The following PLEC variants were observed in gnomAD, a reference collection of about 807,000 sequenced individuals.
PLEC encodes hemidesmosomal protein 1.
A neutral mutation model predicts 392.8 loss-of-function variants in PLEC; 216 were observed. The observed-to-expected ratio is 0.55, with a 90% CI of 0.49 to 0.62. The LOEUF (loss-of-function observed/expected upper bound fraction) is 0.62, where lower values mean the gene tolerates loss of function less well. PLEC is among the 20% of genes least tolerant of loss of function. PLEC has a pLI of 0.00. For synonymous variants in PLEC, 3,621 were observed against 2,980.6 expected, an observed-to-expected ratio of 1.21 and a Z score of -7.00; for missense variants, 6,863 against 6,563.4, an observed-to-expected ratio of 1.05 and a Z score of -1.58.
At position 143,916,979 on chromosome 8, in the gene PLEC, G is replaced by A; in HGVS notation, c.12842C>T (p.Ala4281Val). ...SDPTEETGPV[A>V]GILDTETLEK... is the part of the protein sequence containing the mutation. The stretch of plus-strand genomic sequence containing the variant: ...CAGCGTCTCCGTGTCCAGGATGCCA[G>A]CCACGGGGCCCGTCTCCTCAGTGGG... The change falls in exon 32 of 32, where the codon GCT becomes GTT. Residue 4281 changes from alanine (A) to valine (V), a missense_variant. Coordinates refer to ENST00000345136, the MANE Select transcript of PLEC (RefSeq NM_201384.3). The A allele has an allele frequency of 6.2e-7, 1 of 1,612,884 alleles. No homozygotes were observed. Among genetic ancestry groups the A allele is most frequent in the Non-Finnish European group, 8.5e-7 (1 of 1,179,982 alleles).
In PLEC at chr8:143,917,522, G is replaced by A. The variant is rs1412593519; in HGVS notation, c.12299C>T (p.Thr4100Ile). Residue 4100 changes from threonine (T) to isoleucine (I), a missense_variant, in exon 32 of 32, where the codon ACC (threonine) becomes ATC (isoleucine). Coordinates refer to ENST00000345136, the MANE Select transcript of PLEC (RefSeq NM_201384.3). Reference sequence around the variant, plus strand: ...ACAACGCTCCATCAGCTGCAGGTAGGTGAGGTTCTCCTCCGTGTTAGGGTC... The same window carrying A: ...ACAACGCTCCATCAGCTGCAGGTAGATGAGGTTCTCCTCCGTGTTAGGGTC... The part of the protein sequence containing the change: ...FFDPNTEENL[T>I]YLQLMERCIT... 1.9e-6 allele frequency: 3 copies of A among 1,613,958 alleles called. No individual in the cohort carries two copies. The highest frequency in any genetic ancestry group is 2.5e-6 in the Non-Finnish European group (3 of 1,180,034).
In PLEC at chr8:143,937,057, G is replaced by A. The variant is rs2132182638; in HGVS notation, c.357C>T (p.Asn119=). The A allele has an allele frequency of 2.5e-6, 4 of 1,612,964 alleles. No homozygotes were observed. The highest frequency in any genetic ancestry group is 3.4e-6 in the Non-Finnish European group (4 of 1,179,690). ...CGTCAGCGATGTCATCATTCCTGAT[G>A]TTCACCAGCTTCACCTGTGAGCGAG... is the stretch of plus-strand genomic sequence containing the variant. ...YLRHRQVKLV[N]IRNDDIADGN... The change falls in exon 5 of 32, where the codon AAC becomes AAT. Residue 119 remains asparagine (N), a synonymous_variant. Transcript: ENST00000345136.
rs1175951214 is a variant in PLEC at position 143,929,165 on chromosome 8, C to T, written c.3198G>A (p.Glu1066=). 1 of 1,594,372 alleles carries T rather than the reference C, an allele frequency of 6.3e-7. No individual in the cohort carries two copies. The highest frequency in any genetic ancestry group is 8.5e-7 in the Non-Finnish European group (1 of 1,172,364). The change falls in exon 25 of 32, where the codon GAG becomes GAA. Residue 1066 remains glutamate, a synonymous_variant. Transcript: ENST00000345136. ...PSPAAPTLRS[E]LELTLGKLEQ... The stretch of plus-strand genomic sequence containing the variant: ...CCAGCTTGCCCAGCGTCAGCTCCAG[C>T]TCCGAGCGCAGCGTGGGGGCCGCAG...
upstream of PLEC, chr8:143,944,087 C>A: frequency 4.1e-6 from 3 of 726,246 alleles, no homozygotes; most frequent in Non-Finnish European, 6.5e-6. Context: ...CCTCCCTCCG[C>A]GGGTCCGGCC....
At chr8:143,975,327 C>T (rs1554745702), upstream of PLEC, 3 of 1,611,646 alleles carry the variant, frequency 1.9e-6, no homozygotes, top group Non-Finnish European at 2.5e-6. The surrounding 1 kb of genome is among the most constrained non-coding windows in gnomAD (Gnocchi z 9.9). Context: ...CCATTGGAGA[C>T]ATCTTCAGAG....
chr8:143,923,884 T>A lies in PLEC; in HGVS notation c.6045A>T (p.Lys2015Asn), dbSNP rs200540800. ...KAALEEVERL[K>N]AKVEEARRLR... ...GGCGCCGCGCCTCCTCCACCTTGGC[T>A]TTCAGCCGCTCGACTTCCTCCAGCG... The change falls in exon 31 of 32, where the codon AAA (lysine) becomes AAT (asparagine). Residue 2015 changes from lysine to asparagine, a missense_variant. Physicochemically the swap from Lys to Asn is moderately conservative, Grantham distance 94 (BLOSUM62 0). Coordinates refer to ENST00000345136, the MANE Select transcript of PLEC (RefSeq NM_201384.3). The A allele has an allele frequency of 9.4e-4, 1,492 of 1,593,920 alleles. 4 individuals carry two copies. Among genetic ancestry groups the A allele is most frequent in the Non-Finnish European group, 1.1e-3 (1,305 of 1,177,716 alleles).
rs1554715548 is a variant in PLEC, at chr8:143,931,627, C to G, written c.2211G>C (p.Gln737His). 6.2e-7 allele frequency: 1 copy of G among 1,601,220 alleles called. No individual in the cohort carries two copies. Among genetic ancestry groups the G allele is most frequent in the Non-Finnish European group, 8.5e-7 (1 of 1,174,566 alleles). ...FFSDVREAEGQLQKLQEALRR... is the reference protein window; with the variant it reads ...FFSDVREAEGHLQKLQEALRR... ...GCAGTGCCTCCTGCAGCTTCTGCAA[C>G]TGCCCCTCGGCCTCCCGCACATCTG... Residue 737 changes from glutamine to histidine, a missense_variant, in exon 19 of 32, where the codon CAG (glutamine) becomes CAC (histidine). By Grantham distance (24) the Gln-to-His change is conservative. Transcript: ENST00000345136.
Position 143,920,562 on chromosome 8 carries a change from C to T in PLEC, c.9259G>A (p.Val3087Met). 2 of 1,611,398 alleles carry T rather than the reference C, an allele frequency of 1.2e-6. No homozygotes were observed. Among genetic ancestry groups the T allele is most frequent in the African/African-American group, 2.7e-5 (2 of 75,056 alleles). Residue 3087 changes from valine (V) to methionine (M), a missense_variant, in exon 32 of 32, where the codon GTG (valine) becomes ATG (methionine). Val to Met is a conservative substitution (Grantham distance 21, BLOSUM62 1). Transcript: ENST00000345136. The stretch of plus-strand genomic sequence containing the variant: ...AGCTTCTCATGAAACTCGGGGCCCA[C>T]CAGGCCAGCACGCACTGCCTCGTCC... ...TVDEAVRAGL[V>M]GPEFHEKLLS... is the part of the protein sequence containing the mutation.
chr8:143,953,064 G>C (rs1178816806), upstream of PLEC, among the ~76,000 whole-genome samples: 1 of 140,884 alleles, frequency 7.1e-6, no homozygotes, highest in Non-Finnish European at 1.5e-5. Flanking sequence ...CCTGCGCCAG[G>C]GTCCAGGCGT....
rs1255036846 is a variant in PLEC, at chr8:143,916,146, C to T, written c.*31G>A. Reference sequence around the variant, plus strand: ...CGCCTCGGTGGGAGCCGGGCTGGGCCGCATGCAGAGCGGGGTGGGCGCAGG... The same window carrying T: ...CGCCTCGGTGGGAGCCGGGCTGGGCTGCATGCAGAGCGGGGTGGGCGCAGG... On this transcript the variant is annotated 3_prime_UTR_variant, in exon 32 of 32. Coordinates refer to ENST00000345136, the MANE Select transcript of PLEC (RefSeq NM_201384.3). The T allele has an allele frequency of 2.3e-5, 35 of 1,494,298 alleles. No individual in the cohort carries two copies. The highest frequency in any genetic ancestry group is 2.8e-5 in the Non-Finnish European group (32 of 1,122,982). The allele number at this position is 1,494,298 out of a possible 1,614,324, so 92.6% of individuals were successfully genotyped here.
chr8:143,930,296 C>G lies in PLEC; in HGVS notation c.2460G>C (p.Val820=). 3.1e-6 allele frequency: 5 copies of G among 1,602,242 alleles called. No individual in the cohort carries two copies. The highest frequency in any genetic ancestry group is 4.2e-6 in the Non-Finnish European group (5 of 1,178,372). ...LAVCDYKQVE[V]TVHKGDECQL... is the part of the protein sequence containing the mutation. The stretch of plus-strand genomic sequence containing the variant: ...GGCACTCGTCACCCTTGTGCACAGT[C>G]ACCTGGGACGGGCAGAGTCGGTGAG... Residue 820 remains valine, a splice_region_variant and synonymous_variant, in exon 21 of 32, where the codon GTG becomes GTC. Transcript: ENST00000345136.
At chr8:143,937,096 C>A in intron 4 of PLEC, 25 bp from the exon 5 acceptor site, 1 of 1,609,872 alleles carries the variant, frequency 6.2e-7, no homozygotes, top group Non-Finnish European at 8.5e-7. Context: ...CTCTCGGTCA[C>A]GGCCCACAGG....
At chr8:143,961,734 G>T (rs782775033) in intron 1 of PLEC, among the ~76,000 whole-genome samples, 1 of 152,218 alleles carries the variant, frequency 6.6e-6, no homozygotes, top group Non-Finnish European at 1.5e-5. Flanking sequence ...GTATCACTAA[G>T]TAAAAGAAGT....
upstream of PLEC, chr8:143,950,923 C>G (rs1832084016): frequency 3.0e-6 from 3 of 987,802 alleles, no homozygotes; most frequent in South Asian, 3.6e-5. Context: ...TCCCTGCCGG[C>G]ACTGCCGGCT....
chr8:143,946,472 G>C (rs994214455), intron 1 of PLEC: 17 of 1,095,008 alleles, frequency 1.6e-5, no homozygotes, highest in Non-Finnish European at 2.1e-5. Context: ...GTGGGAGGCA[G>C]AGGGAGGGCC....
upstream of PLEC, among the ~76,000 whole-genome samples, chr8:143,956,609 G>A (rs1371889482): frequency 2.6e-5 from 4 of 152,184 alleles, no homozygotes; most frequent in African/African-American, 4.8e-5. Context: ...CTAATGAGAA[G>A]GTGAGGGCAC....
chr8:143,970,073 C>T (rs1833340323), intron 1 of PLEC, among the ~76,000 whole-genome samples: 1 of 152,056 alleles, frequency 6.6e-6, no homozygotes, highest in Non-Finnish European at 1.5e-5. Context: ...TCATGTGTCC[C>T]CTACTCTCCC....
chr8:143,951,874 T>G (rs1414917017), upstream of PLEC, among the ~76,000 whole-genome samples: 1 of 95,434 alleles, frequency 1.0e-5, no homozygotes, highest in Non-Finnish European at 2.5e-5. Flanking sequence ...CACCCCCCCC[T>G]CCCCGCCCCG....
upstream of PLEC, among the ~76,000 whole-genome samples, chr8:143,974,148 T>G (rs1554745309): frequency 1.3e-5 from 2 of 152,210 alleles, no homozygotes. This position sits in a 1 kb window ranked among gnomAD's most constrained non-coding sequence, Gnocchi z 5.9. Context: ...GTCCTGTAAC[T>G]GCAAGTCCCG....
Sources: allele counts gnomAD v4.1 joint callset (sites outside exome capture counted in the v4.1 genomes callset), GRCh38; gene constraint gnomAD v4.1.1; non-coding constraint Gnocchi (gnomAD v3.1); transcripts MANE v1.5; gene names NCBI Gene and HGNC (gene_info 2026-07-23, HGNC 2026-07-21).